The following DCHS2 variants were observed in gnomAD, a reference collection of about 807,000 sequenced individuals.
The protein encoded by DCHS2 is protocadherin-23.
DCHS2 carries 142 observed loss-of-function variants against 182.4 expected under a neutral mutation model. The ratio of observed to expected loss-of-function variants is 0.78; its 90% CI spans 0.68 to 0.89. The LOEUF is 0.89. Ranked by LOEUF, DCHS2 falls within the 40% of genes least tolerant of loss-of-function variation. DCHS2 has a pLI of 0.00. For missense variants in DCHS2, 4,319 were observed against 4,198.6 expected, an observed-to-expected ratio of 1.03 and a Z score of -0.79; for synonymous variants, 1,740 against 1,663.3, an observed-to-expected ratio of 1.05 and a Z score of -1.12.
At chr4:154,265,345 G>A (rs1733192780) in intron 14 of DCHS2, among the ~76,000 whole-genome samples, 1 of 152,148 alleles carries the variant, frequency 6.6e-6, no homozygotes, top group African/African-American at 2.4e-5. Context: ...TGCACTGTAA[G>A]TCATAGTAAA....
intron 3 of DCHS2, among the ~76,000 whole-genome samples, chr4:154,344,392 T>C (rs1361012619): frequency 6.6e-6 from 1 of 152,220 alleles, no homozygotes; most frequent in African/African-American, 2.4e-5. Context: ...AGGCTGGGCT[T>C]AGATCTGAGC....
rs1335158905 is a variant in DCHS2 at position 154,489,946 on chromosome 4, G to A, written c.1410C>T (p.Ser470=). The change falls in exon 1 of 20, where the codon TCC becomes TCT. Residue 470 remains serine (S), a synonymous_variant. Transcript: ENST00000357232. The part of the protein sequence containing the change: ...VGLGDGSISL[S]LEGGEGDFAL... ...CGAAGTCTCCCTCTCCGCCTTCCAA[G>A]GACAGAGAGATGCTCCCGTCTCCAA... is the stretch of plus-strand genomic sequence containing the variant. 6.5e-7 allele frequency: 1 copy of A among 1,542,942 alleles called. No homozygotes were observed. Among genetic ancestry groups the A allele is most frequent in the Non-Finnish European group, 8.8e-7 (1 of 1,141,214 alleles).
chr4:154,250,399 C>T (rs1432611370), intron 16 of DCHS2, among the ~76,000 whole-genome samples: 4 of 152,160 alleles, frequency 2.6e-5, no homozygotes, highest in Non-Finnish European at 5.9e-5. Flanking sequence ...ATTCATTTTA[C>T]ACATTTTCCC....
intron 14 of DCHS2, among the ~76,000 whole-genome samples, chr4:154,266,041 G>A (rs1051130543): frequency 2.0e-5 from 3 of 152,178 alleles, no homozygotes; most frequent in Non-Finnish European, 2.9e-5. Context: ...TAAAAGTTAC[G>A]TGAATGTGGT....
intron 3 of DCHS2, among the ~76,000 whole-genome samples, chr4:154,336,199 G>A (rs1728801255): frequency 6.6e-6 from 1 of 152,138 alleles, no homozygotes; most frequent in African/African-American, 2.4e-5. Flanking sequence ...GACGACTTAG[G>A]CTTATGCATG....
chr4:154,384,355 T>C, intron 1 of DCHS2: 1 of 1,611,634 alleles, frequency 6.2e-7, no homozygotes, highest in Non-Finnish European at 8.5e-7. Flanking sequence ...ATGCACCACC[T>C]GACTGACCTC....
intron 1 of DCHS2, among the ~76,000 whole-genome samples, chr4:154,459,714 T>C (rs1734926416): frequency 6.6e-6 from 1 of 151,826 alleles, no homozygotes; most frequent in Admixed American, 6.6e-5. Context: ...CTTTTCTCTG[T>C]CTCCAGCAGT....
In DCHS2 at chr4:154,490,722, G is replaced by A. The variant is rs761707230; in HGVS notation, c.634C>T (p.Leu212=). ...AACGGGCCTGCGGGGTCCTTGGGCA[G>A]GTCGGACGGTTGCACCAGGGTGTAG... is the stretch of plus-strand genomic sequence containing the variant. The part of the protein sequence containing the change: ...QGYTLVQPSD[L]PKDPAGPFFQ... The change falls in exon 1 of 20, where the codon CTG becomes TTG. Residue 212 remains leucine, a synonymous_variant. Coordinates refer to ENST00000357232, the MANE Select transcript of DCHS2 (RefSeq NM_001358235.2). 1.4e-5 allele frequency: 22 copies of A among 1,551,516 alleles called. No homozygotes were observed. Among genetic ancestry groups the A allele is most frequent in the Non-Finnish European group, 1.8e-5 (21 of 1,146,926 alleles).
At chr4:154,240,920 A>G in intron 17 of DCHS2, 97 bp from the exon 18 acceptor site, 1 of 1,479,422 alleles carries the variant, frequency 6.8e-7, no homozygotes, top group Non-Finnish European at 9.0e-7. Context: ...TTCTAAGTCC[A>G]ATATGATTTG....
chr4:154,323,395 T>C (rs1736156814), intron 7 of DCHS2: 5 of 1,534,660 alleles, frequency 3.3e-6, no homozygotes, highest in Non-Finnish European at 4.4e-6. Flanking sequence ...AATTGTGCCA[T>C]GATAGCTCAC....
In DCHS2 at chr4:154,305,186, A is replaced by G. The variant is rs1561028054; in HGVS notation, c.5306T>C (p.Phe1769Ser). Residue 1769 changes from phenylalanine (F) to serine (S), a missense_variant, in exon 11 of 20, where the codon TTT becomes TCT. Coordinates refer to ENST00000357232, the MANE Select transcript of DCHS2 (RefSeq NM_001358235.2). ...GTCAGAATTTATCTCGAATAATTCA[A>G]ATGAAGCACCTGGCATGATTTCAAA... ...LQFEIMPGAS[F>S]ELFEINSDTG... 3.1e-6 allele frequency: 5 copies of G among 1,612,994 alleles called. No individual in the cohort carries two copies. The highest frequency in any genetic ancestry group is 4.2e-6 in the Non-Finnish European group (5 of 1,179,504).
At chr4:154,270,487 G>T (rs1337736886) in intron 13 of DCHS2, among the ~76,000 whole-genome samples, 1 of 151,848 alleles carries the variant, frequency 6.6e-6, no homozygotes, top group Non-Finnish European at 1.5e-5. Context: ...GGCTTGGTTG[G>T]GTAAAGCACA....
At position 154,443,397 on chromosome 4, in the gene DCHS2, C is replaced by T. The variant is rs992426043; in HGVS notation, c.2052+45907G>A. ...GAGTGGACATTTTCATTCTCACATACACATTGTGGAATGCTCTCTCTTCAA... is the reference window on the plus strand; with the variant it reads ...GAGTGGACATTTTCATTCTCACATATACATTGTGGAATGCTCTCTCTTCAA... On this transcript the variant is annotated intron_variant, in intron 1 of 19. Transcript: ENST00000357232. 2.0e-5 allele frequency among the ~76,000 whole-genome samples: 3 copies of T among 152,188 alleles called. No homozygotes were observed. The South Asian group carries it at 6.2e-4, about 31-fold the overall frequency.
At chr4:154,264,137 T>A (rs964861113) in intron 14 of DCHS2, among the ~76,000 whole-genome samples, 2 of 152,104 alleles carry the variant, frequency 1.3e-5, no homozygotes, top group African/African-American at 4.8e-5. Context: ...AGGAAGCAAA[T>A]CCTCTTTTAA....
At chr4:154,289,076 C>T (rs1448965131) in intron 13 of DCHS2, among the ~76,000 whole-genome samples, 1 of 151,670 alleles carries the variant, frequency 6.6e-6, no homozygotes, top group African/African-American at 2.4e-5. Flanking sequence ...TAACAAAGAT[C>T]AGAACAACAA....
chr4:154,297,044 A>C (rs1049535107), intron 13 of DCHS2, among the ~76,000 whole-genome samples: 2 of 152,226 alleles, frequency 1.3e-5, no homozygotes, highest in African/African-American at 4.8e-5. Flanking sequence ...TCTGGTGTCT[A>C]AAATATGATC....
chr4:154,260,921 T>C (rs1357595853), intron 14 of DCHS2, among the ~76,000 whole-genome samples: 2 of 152,172 alleles, frequency 1.3e-5, no homozygotes, highest in East Asian at 1.9e-4. Context: ...TGCCATACTC[T>C]AGTTTCCCCC....
At position 154,371,549 on chromosome 4, in the gene DCHS2, G is replaced by A. The variant is rs577233986; in HGVS notation, c.2245-5108C>T. On this transcript the variant is annotated intron_variant, in intron 2 of 19. Coordinates refer to ENST00000357232, the MANE Select transcript of DCHS2 (RefSeq NM_001358235.2). ...AGCATTTCGAAGGGCAGAGAAGGCA[G>A]GTAGGTGTATTAGTCCATTCTCACA... is the stretch of plus-strand genomic sequence containing the variant. 3.9e-5 allele frequency among the ~76,000 whole-genome samples: 6 copies of A among 152,254 alleles called. No individual in the cohort carries two copies. The South Asian group carries it at 1.2e-3, about 32-fold the overall frequency.
intron 3 of DCHS2, 171 bp from the exon 4 acceptor site, chr4:154,335,275 G>T: frequency 3.3e-6 from 2 of 603,860 alleles, no homozygotes; most frequent in Non-Finnish European, 5.9e-6. Flanking sequence ...GTCTGTGAGG[G>T]TGCTTTTGGA....
Sources: allele counts gnomAD v4.1 joint callset (sites outside exome capture counted in the v4.1 genomes callset), GRCh38; gene constraint gnomAD v4.1.1; transcripts MANE v1.5; gene names NCBI Gene and HGNC (gene_info 2026-07-23, HGNC 2026-07-21).